Variants in MAP4 observed in about 807,000 individuals in gnomAD.
MAP4 encodes microtubule-associated protein 4.
In MAP4, 76 loss-of-function variants were observed where a neutral mutation model predicts 170.2. The observed-to-expected ratio is 0.45, with a 90% CI of 0.37 to 0.54. The LOEUF (loss-of-function observed/expected upper bound fraction) is 0.54. Ranked by LOEUF, MAP4 falls within the 20% of genes least tolerant of loss-of-function variation. The pLI is 0.00. For missense variants in MAP4, 2,506 were observed against 2,748.0 expected, an observed-to-expected ratio of 0.91 and a Z score of 1.97; for synonymous variants, 909 against 994.5, an observed-to-expected ratio of 0.91 and a Z score of 1.62.
At chr3:47,872,167 A>G (rs2093532845) in intron 12 of MAP4, 67 bp from the exon 13 acceptor site, 3 of 1,359,284 alleles carry the variant, frequency 2.2e-6, no homozygotes, top group Non-Finnish European at 3.0e-6. Flanking sequence ...ACGCTACAAG[A>G]TGCTTCTTTT....
intron 1 of MAP4, among the ~76,000 whole-genome samples, chr3:48,065,140 GAA>G (rs1487799932): frequency 6.6e-6 from 1 of 151,830 alleles, no homozygotes; most frequent in East Asian, 1.9e-4. Flanking sequence ...TTAAAAAAAA[GAA>G]AAGTCTATTA....
intron 3 of MAP4, among the ~76,000 whole-genome samples, chr3:47,964,626 A>C (rs1297924413): frequency 6.6e-6 from 1 of 152,196 alleles, no homozygotes; most frequent in East Asian, 1.9e-4. Context: ...GTTCTCACTC[A>C]ACCCCCTCAT....
intron 16 of MAP4, among the ~76,000 whole-genome samples, chr3:47,868,986 T>G (rs1233945177): frequency 6.6e-6 from 1 of 152,176 alleles, no homozygotes; most frequent in Non-Finnish European, 1.5e-5. Flanking sequence ...ATTATACACA[T>G]ATGTATTCTC....
chr3:48,063,096 A>C (rs1437832886), intron 1 of MAP4, among the ~76,000 whole-genome samples: 7 of 151,978 alleles, frequency 4.6e-5, no homozygotes, highest in African/African-American at 1.7e-4. Context: ...TAATTCTGAC[A>C]ACCGTGGTTA....
At chr3:47,927,667 G>C (rs748967978) in intron 4 of MAP4, among the ~76,000 whole-genome samples, 3 of 152,096 alleles carry the variant, frequency 2.0e-5, no homozygotes, top group Non-Finnish European at 4.4e-5. Context: ...TAGAGACAGC[G>C]TTTCTCCATG....
In MAP4 at chr3:47,911,583, C is replaced by T. The variant is rs543405452; in HGVS notation, c.2838G>A (p.Glu946=). Reference sequence around the variant, plus strand: ...CTTGGTCCAAGAAAGGAGAGCAACCCTCTTTAAGTCTGATATCCAAAGGGG... The same window carrying T: ...CTTGGTCCAAGAAAGGAGAGCAACCTTCTTTAAGTCTGATATCCAAAGGGG... The part of the protein sequence containing the change: ...VETPLDIRLK[E]GCSPFLDQEV... The change falls in exon 9 of 21, where the codon GAG becomes GAA. Residue 946 remains glutamate (E), a synonymous_variant. Transcript: ENST00000683076. The surrounding 1 kb of genome is among the most constrained non-coding windows in gnomAD (Gnocchi z 4.0). 1 of 1,536,122 alleles carries T rather than the reference C, an allele frequency of 6.5e-7. No homozygotes were observed. Among genetic ancestry groups the T allele is most frequent in the South Asian group, 1.2e-5 (1 of 84,060 alleles).
intron 2 of MAP4, among the ~76,000 whole-genome samples, chr3:47,988,343 A>G (rs1365607754): frequency 6.6e-6 from 1 of 152,086 alleles, no homozygotes; most frequent in Non-Finnish European, 1.5e-5. Context: ...GATGCAGGAG[A>G]CAGAAGAGGT....
chr3:47,903,039 G>A, intron 9 of MAP4, 39 bp from the exon 10 acceptor site: 1 of 928,074 alleles, frequency 1.1e-6, no homozygotes, highest in Non-Finnish European at 1.3e-6. Context: ...AAGAAGACCA[G>A]GCTTCACTAT....
chr3:47,911,219 AACT>A lies in MAP4; in HGVS notation c.3199_3201del (p.Ser1068del). On this transcript the variant is annotated inframe_deletion, in exon 9 of 21. Coordinates refer to ENST00000683076, the MANE Select transcript of MAP4 (RefSeq NM_001385682.1). This position sits in a 1 kb window ranked among gnomAD's most constrained non-coding sequence, Gnocchi z 4.0. Reference sequence around the variant, plus strand: ...CCAGAATCTGTTCTCATTTTCCCAGAACTTCCCCTTCCCTTCCTGCTTTTGCCA... The same window carrying A: ...CCAGAATCTGTTCTCATTTTCCCAGATCCCCTTCCCTTCCTGCTTTTGCCA... The A allele has an allele frequency of 6.5e-7, 1 of 1,536,080 alleles. No individual in the cohort carries two copies. The highest frequency in any genetic ancestry group is 1.2e-5 in the South Asian group (1 of 84,054).
chr3:47,908,592 C>T (rs1042864481), intron 9 of MAP4, among the ~76,000 whole-genome samples: 1 of 152,110 alleles, frequency 6.6e-6, no homozygotes, highest in African/African-American at 2.4e-5. Context: ...CCCACCAGCA[C>T]AAGCTACATA....
chr3:47,990,694 T>C (rs1391080057), intron 2 of MAP4, among the ~76,000 whole-genome samples: 1 of 152,164 alleles, frequency 6.6e-6, no homozygotes, highest in African/African-American at 2.4e-5. Flanking sequence ...GTCACAGATG[T>C]TTGCTTCGTC....
chr3:47,880,938 C>T (rs1171682087), intron 10 of MAP4, among the ~76,000 whole-genome samples: 1 of 152,110 alleles, frequency 6.6e-6, no homozygotes, highest in Admixed American at 6.5e-5. Context: ...AACATTCTGT[C>T]TAGTAGTTCT....
chr3:48,039,714 A>C (rs144591460), intron 1 of MAP4, among the ~76,000 whole-genome samples: 139 of 152,318 alleles, frequency 9.1e-4, no homozygotes, highest in African/African-American at 3.2e-3. Context: ...TGATAAAACA[A>C]TCCTTATCAG....
At chr3:47,970,189 T>A (rs901012332) in intron 3 of MAP4, among the ~76,000 whole-genome samples, 3 of 152,182 alleles carry the variant, frequency 2.0e-5, no homozygotes, top group Non-Finnish European at 2.9e-5. Context: ...ATAGGTTTTT[T>A]AAAAAGTCTT....
intron 4 of MAP4, among the ~76,000 whole-genome samples, chr3:47,925,524 C>T (rs2100045319): frequency 6.6e-6 from 1 of 152,140 alleles, no homozygotes; most frequent in African/African-American, 2.4e-5. Flanking sequence ...TATGGTATAG[C>T]CATATAATGG....
chr3:48,004,689 T>C lies in MAP4; in HGVS notation c.-19-5810A>G, dbSNP rs990484996. On this transcript the variant is annotated intron_variant, in intron 1 of 20. Transcript: ENST00000683076. The stretch of plus-strand genomic sequence containing the variant: ...GGTGTCTACTGCTAAAGTGAGGGCA[T>C]TGATTGGAAAAGAATGAGACCCAGA... Among the ~76,000 whole-genome samples the C allele has an allele frequency of 5.3e-5, 8 of 152,260 alleles. No homozygotes were observed. In the East Asian group the frequency reaches 1.5e-3, roughly 29 times the overall value.
upstream of MAP4, among the ~76,000 whole-genome samples, chr3:48,019,351 G>A (rs1325369042): frequency 6.6e-6 from 1 of 152,022 alleles, no homozygotes; most frequent in African/African-American, 2.4e-5. Context: ...CTGAGGGACA[G>A]AGAGAGAAAG....
At chr3:47,986,451 G>A (rs536481482) in intron 2 of MAP4, among the ~76,000 whole-genome samples, 1 of 151,952 alleles carries the variant, frequency 6.6e-6, no homozygotes, top group South Asian at 2.1e-4. Context: ...AGCAATTCTC[G>A]TTTCTCAGCC....
intron 3 of MAP4, chr3:47,960,211 T>TA (rs2100070754): frequency 6.3e-6 from 1 of 158,726 alleles, no homozygotes; most frequent in Non-Finnish European, 1.4e-5. Context: ...ATCTTTAACC[T>TA]GTTTAACTTA....
Sources: gnomAD v4.1 joint callset for allele counts (sites outside exome capture counted in the v4.1 genomes callset) on GRCh38, gnomAD v4.1.1 for gene constraint, Gnocchi (gnomAD v3.1) non-coding constraint, MANE v1.5 for transcripts, NCBI Gene and HGNC (gene_info 2026-07-23, HGNC 2026-07-21) for gene names.